The following FBN1 variants were observed in gnomAD, a reference collection of about 807,000 sequenced individuals.
FBN1 encodes the protein fibrillin-1.
A neutral mutation model predicts 365.1 loss-of-function variants in FBN1; 29 were observed. The ratio of observed to expected loss-of-function variants is 0.08; its 90% CI spans 0.06 to 0.11. FBN1 has a LOEUF of 0.11. Among genes scored for constraint, FBN1 ranks in the 10% least tolerant of loss-of-function variants. The pLI is 1.00. For synonymous variants in FBN1, 1,210 were observed against 1,270.5 expected, an observed-to-expected ratio of 0.95 and a Z score of 1.01; for missense variants, 2,476 against 3,703.2, an observed-to-expected ratio of 0.67 and a Z score of 8.60.
At chr15:48,612,871 T>C (rs2044667543) in intron 3 of FBN1, 139 bp downstream of exon 3, 3 of 741,280 alleles carry the variant, frequency 4.0e-6, no homozygotes, top group Non-Finnish European at 7.4e-6. Flanking sequence ...ACTGGAAAGG[T>C]AGAAAAGTCT....
chr15:48,474,103 A>AT, intron 34 of FBN1, 152 bp downstream of exon 34: 1 of 1,147,566 alleles, frequency 8.7e-7, no homozygotes, highest in Non-Finnish European at 1.3e-6. Flanking sequence ...ACCTGGTTCC[A>AT]ATTTTTTTTT....
At chr15:48,589,664 A>C (rs1165509241) in intron 6 of FBN1, among the ~76,000 whole-genome samples, 2 of 124,120 alleles carry the variant, frequency 1.6e-5, no homozygotes, top group Non-Finnish European at 3.1e-5. Context: ...CCCAGGCTGG[A>C]GTGCAGTGGC....
intron 43 of FBN1, among the ~76,000 whole-genome samples, chr15:48,459,746 G>A (rs985531483): frequency 4.6e-5 from 7 of 152,146 alleles, no homozygotes; most frequent in African/African-American, 1.7e-4. Context: ...TACCAGGCAG[G>A]GCCTCAGACC....
chr15:48,514,400 G>T lies in FBN1; in HGVS notation c.1469-732C>A, dbSNP rs781202219. Among the ~76,000 whole-genome samples the T allele has an allele frequency of 5.7e-4, 87 of 152,254 alleles. 2 individuals carry two copies. The highest frequency in any genetic ancestry group is 3.8e-4 in the Non-Finnish European group (26 of 68,024). On this transcript the variant is annotated intron_variant, in intron 12 of 65. Coordinates refer to ENST00000316623, the MANE Select transcript of FBN1 (RefSeq NM_000138.5). ...CAGCTCTGGATGACCTCTAGAAGGG[G>T]TGTTCATATCATCAGGAAATTAAAT...
In FBN1 at chr15:48,421,975, G is replaced by A. The variant is rs2042946390; in HGVS notation, c.7547C>T (p.Thr2516Ile). ...ACCAATGCAGGACGTATGGTGTTGG[G>A]TAAATCCGGGAGGACATTTGCATGT... The part of the protein sequence containing the change: ...GFTCKCPPGF[T>I]QHHTSCIDNN... Residue 2516 changes from threonine (T) to isoleucine (I), a missense_variant, in exon 61 of 66, where the codon ACC (threonine) becomes ATC (isoleucine). This residue lies in a region of FBN1 where 1,780 missense variants were observed against 2,840.8 expected (regional missense o/e 0.63). Coordinates refer to ENST00000316623, the MANE Select transcript of FBN1 (RefSeq NM_000138.5). 9 of 1,613,714 alleles carry A rather than the reference G, an allele frequency of 5.6e-6. No homozygotes were observed. Among genetic ancestry groups the A allele is most frequent in the Non-Finnish European group, 7.6e-6 (9 of 1,179,624 alleles).
chr15:48,470,274 G>A (rs1173677109), intron 36 of FBN1, among the ~76,000 whole-genome samples: 2 of 152,050 alleles, frequency 1.3e-5, no homozygotes, highest in East Asian at 3.9e-4. Flanking sequence ...CGAAGTACAA[G>A]GAGAAAACCC....
chr15:48,432,993 A>G lies in FBN1; in HGVS notation c.6617-5T>C. 9.9e-6 allele frequency: 16 copies of G among 1,613,384 alleles called. No homozygotes were observed. Among genetic ancestry groups the G allele is most frequent in the African/African-American group, 1.3e-5 (1 of 74,998 alleles). ...TCTGGGCACATTCATTTATATCTGC[A>G]GCAGAGGAGAGTAAGTAAATAAGGG... On this transcript the variant is annotated splice_region_variant and splice_polypyrimidine_tract_variant and intron_variant, in intron 54 of 65. Coordinates refer to ENST00000316623, the MANE Select transcript of FBN1 (RefSeq NM_000138.5).
chr15:48,634,857 CCACACACACA>C (rs57811526), intron 2 of FBN1, among the ~76,000 whole-genome samples: 2,097 of 69,130 alleles, frequency 0.03, 135 homozygotes, highest in East Asian at 0.25. Flanking sequence ...AAAAAAAAAA[CCACACACACA>C]CACACACACA....
chr15:48,581,018 C>A (rs1566931657), intron 6 of FBN1, among the ~76,000 whole-genome samples: 1 of 152,144 alleles, frequency 6.6e-6, no homozygotes, highest in Non-Finnish European at 1.5e-5. Context: ...GCTGGGTGAG[C>A]TCAGAACATC....
At chr15:48,542,780 G>C (rs1392744595) in intron 6 of FBN1, among the ~76,000 whole-genome samples, 1 of 79,168 alleles carries the variant, frequency 1.3e-5, no homozygotes, top group African/African-American at 6.5e-5. Flanking sequence ...AGGACTCTAA[G>C]ATGTGTGTGT....
intron 15 of FBN1, among the ~76,000 whole-genome samples, chr15:48,506,570 T>C (rs570535906): frequency 2.0e-5 from 3 of 152,302 alleles, no homozygotes; most frequent in African/African-American, 7.2e-5. Context: ...AGAACGGAGA[T>C]GTAAGGTAGA....
chr15:48,627,819 C>G (rs1007669326), intron 2 of FBN1, among the ~76,000 whole-genome samples: 5 of 152,200 alleles, frequency 3.3e-5, no homozygotes, highest in African/African-American at 1.2e-4. Flanking sequence ...TCTCAGCACC[C>G]TTCCAGCTCC....
intron 49 of FBN1, 145 bp from the exon 50 acceptor site, chr15:48,441,991 G>A: frequency 1.2e-6 from 1 of 838,352 alleles, no homozygotes; most frequent in East Asian, 2.6e-5. Flanking sequence ...ATAACACTGT[G>A]GACTGGACTT....
Position 48,526,219 on chromosome 15 carries a change from T to C in FBN1, c.899A>G (p.Glu300Gly), listed in dbSNP as rs1186527816. Residue 300 changes from glutamate (E) to glycine (G), a missense_variant, in exon 9 of 66, where the codon GAA becomes GGA. By Grantham distance (98) the Glu-to-Gly change is moderately conservative. Around this residue, in one of 5 missense-constraint regions of FBN1, gnomAD observed 421 missense variants for 520.1 expected, o/e 0.81. Coordinates refer to ENST00000316623, the MANE Select transcript of FBN1 (RefSeq NM_000138.5). ...GACTGTGTTTGTACATTCACCCCCTTCACAGATTCCAGGAATGGTGCTGCA... is the reference window on the plus strand; with the variant it reads ...GACTGTGTTTGTACATTCACCCCCTCCACAGATTCCAGGAATGGTGCTGCA... ...DECSTIPGIC[E>G]GGECTNTVSS... 6.2e-7 allele frequency: 1 copy of C among 1,614,088 alleles called. No individual in the cohort carries two copies. The highest frequency in any genetic ancestry group is 8.5e-7 in the Non-Finnish European group (1 of 1,179,986).
At chr15:48,564,779 TA>T (rs796836194) in intron 6 of FBN1, among the ~76,000 whole-genome samples, 182 of 152,226 alleles carry the variant, frequency 1.2e-3, no homozygotes, top group African/African-American at 4.2e-3. Flanking sequence ...GGTTGGTATT[TA>T]AAAGGATGCC....
chr15:48,631,237 C>G (rs1290341112), intron 2 of FBN1, among the ~76,000 whole-genome samples: 1 of 147,794 alleles, frequency 6.8e-6, no homozygotes, highest in African/African-American at 2.7e-5. Context: ...AGAAGAAGAA[C>G]AAATAAGAAT....
chr15:48,605,255 T>C (rs1248556911), intron 4 of FBN1, among the ~76,000 whole-genome samples: 1 of 152,194 alleles, frequency 6.6e-6, no homozygotes, highest in Non-Finnish European at 1.5e-5. Context: ...AGCAAGACCC[T>C]GTCTCAAAGA....
At chr15:48,631,230 A>G (rs964255179) in intron 2 of FBN1, among the ~76,000 whole-genome samples, 1 of 152,052 alleles carries the variant, frequency 6.6e-6, no homozygotes, top group Non-Finnish European at 1.5e-5. Flanking sequence ...ACACAGAAGA[A>G]GAAGAACAAA....
chr15:48,484,046 A>C, intron 30 of FBN1, 103 bp from the exon 31 acceptor site: 1 of 1,162,666 alleles, frequency 8.6e-7, no homozygotes, highest in South Asian at 1.3e-5. Flanking sequence ...GCCTACTAGC[A>C]TAAGACTATT....
Sources: allele counts gnomAD v4.1 joint callset (sites outside exome capture counted in the v4.1 genomes callset), GRCh38; gene constraint gnomAD v4.1.1; regional missense constraint gnomAD v4.1.1; transcripts MANE v1.5; gene names NCBI Gene and HGNC (gene_info 2026-07-23, HGNC 2026-07-21).